Variants in CSMD3 observed in about 807,000 individuals in gnomAD.
CSMD3 encodes CUB and Sushi multiple domains 3.
Under a neutral mutation model 435.2 loss-of-function variants are expected in CSMD3, and 177 were observed. The observed-to-expected ratio is 0.41, with a 90% CI of 0.36 to 0.46. The LOEUF (loss-of-function observed/expected upper bound fraction) is 0.46. Among genes scored for constraint, CSMD3 ranks in the 20% least tolerant of loss-of-function variants. CSMD3 has a pLI of 0.34. For missense variants in CSMD3, 4,265 were observed against 4,504.6 expected (o/e 0.95, Z 1.52); for synonymous variants, 1,656 against 1,520.5 (o/e 1.09, Z -2.07).
intron 11 of CSMD3, among the ~76,000 whole-genome samples, chr8:112,856,701 T>G (rs986572087): frequency 4.6e-5 from 7 of 151,908 alleles, no homozygotes. Context: ...GGTTACTTTT[T>G]CCATCAACCA....
chr8:112,568,046 T>C (rs1196272489), intron 24 of CSMD3, among the ~76,000 whole-genome samples: 1 of 152,160 alleles, frequency 6.6e-6, no homozygotes, highest in African/African-American at 2.4e-5. Flanking sequence ...TTAGCCTGAC[T>C]CAATAAGGGA....
chr8:112,381,539 T>C (rs560600265), intron 37 of CSMD3, among the ~76,000 whole-genome samples: 2 of 152,358 alleles, frequency 1.3e-5, no homozygotes, highest in South Asian at 4.1e-4. Flanking sequence ...AACATTTCTT[T>C]ATAAGTAACT....
chr8:112,826,920 T>C (rs538842222), intron 12 of CSMD3, among the ~76,000 whole-genome samples: 2 of 151,968 alleles, frequency 1.3e-5, no homozygotes, highest in Non-Finnish European at 2.9e-5. Context: ...ACTTATACAA[T>C]GATTTTCTGT....
intron 23 of CSMD3, among the ~76,000 whole-genome samples, chr8:112,585,943 G>A (rs1369627766): frequency 6.6e-6 from 1 of 151,714 alleles, no homozygotes; most frequent in East Asian, 1.9e-4. Context: ...TGAACTAGAG[G>A]TGGGAGAGTT....
At chr8:112,744,772 A>C (rs1026269616) in intron 13 of CSMD3, among the ~76,000 whole-genome samples, 1 of 152,176 alleles carries the variant, frequency 6.6e-6, no homozygotes, top group African/African-American at 2.4e-5. Context: ...GAAATGAGAC[A>C]GCTTTCCAAG....
intron 53 of CSMD3, among the ~76,000 whole-genome samples, chr8:112,296,999 T>A (rs946796863): frequency 4.0e-5 from 6 of 151,476 alleles, no homozygotes; most frequent in Admixed American, 3.9e-4. Flanking sequence ...AGAAAAAAAA[T>A]TCTGTGAAAA....
At chr8:113,331,051 T>C (rs2094023916) in intron 1 of CSMD3, among the ~76,000 whole-genome samples, 1 of 151,474 alleles carries the variant, frequency 6.6e-6, no homozygotes, top group Admixed American at 6.6e-5. Flanking sequence ...GATCAGCAAA[T>C]TGACAAAACT....
intron 4 of CSMD3, among the ~76,000 whole-genome samples, chr8:113,140,789 A>G (rs2091529408): frequency 6.6e-6 from 1 of 151,110 alleles, no homozygotes; most frequent in East Asian, 1.9e-4. Flanking sequence ...AGTACCAAAC[A>G]TATGTTATAA....
intron 4 of CSMD3, among the ~76,000 whole-genome samples, chr8:113,111,135 C>A (rs986653763): frequency 2.0e-5 from 3 of 152,012 alleles, no homozygotes; most frequent in Non-Finnish European, 4.4e-5. Context: ...CAGCATGGGA[C>A]AAGGGAAAAA....
chr8:113,340,446 T>A (rs1042018783), intron 1 of CSMD3, among the ~76,000 whole-genome samples: 3 of 152,176 alleles, frequency 2.0e-5, no homozygotes, highest in Non-Finnish European at 4.4e-5. Flanking sequence ...CATTAATCAT[T>A]ACAGTCTTTC....
intron 11 of CSMD3, among the ~76,000 whole-genome samples, chr8:112,847,696 C>T (rs2080364808): frequency 6.6e-6 from 1 of 152,048 alleles, no homozygotes; most frequent in South Asian, 2.1e-4. Flanking sequence ...GCACAAGTAC[C>T]AAATCTCCAA....
At chr8:112,278,465 C>T (rs1038384496) in intron 59 of CSMD3, among the ~76,000 whole-genome samples, 3 of 152,116 alleles carry the variant, frequency 2.0e-5, no homozygotes, top group African/African-American at 7.2e-5. Context: ...TCAGCTTAGA[C>T]TTATCTGTGT....
intron 2 of CSMD3, among the ~76,000 whole-genome samples, chr8:113,308,225 T>C (rs1209942141): frequency 2.6e-5 from 4 of 151,152 alleles, no homozygotes; most frequent in African/African-American, 7.3e-5. Context: ...TTTTTCTTTT[T>C]AGTTCTATAA....
At position 112,746,691 on chromosome 8, in the gene CSMD3, T is replaced by G. The variant is rs559429972; in HGVS notation, c.1972+53471A>C. Among the ~76,000 whole-genome samples the G allele has an allele frequency of 1.8e-3, 269 of 152,190 alleles. 1 individual carries two copies. Among genetic ancestry groups the G allele is most frequent in the Non-Finnish European group, 2.2e-3 (153 of 68,000 alleles). On this transcript the variant is annotated intron_variant, in intron 13 of 70. Transcript: ENST00000297405. ...TATTATTACATTTGTATATTTTGCA[T>G]TCTACTGCCTTAGGGTCTTTTGTGA...
chr8:112,587,695 C>T (rs1003699618), intron 22 of CSMD3, among the ~76,000 whole-genome samples: 3 of 151,366 alleles, frequency 2.0e-5, no homozygotes, highest in Admixed American at 6.6e-5. Flanking sequence ...CTCAGTATTC[C>T]GCTGACACAA....
At chr8:113,025,740 T>A (rs1205597543) in intron 5 of CSMD3, among the ~76,000 whole-genome samples, 1 of 152,040 alleles carries the variant, frequency 6.6e-6, no homozygotes, top group Admixed American at 6.6e-5. Context: ...AGGTAAGCCA[T>A]CTCTGTGGTG....
In CSMD3 at chr8:112,451,500, G is replaced by T. The variant is rs1390218215; in HGVS notation, c.5395+21091C>A. Reference sequence around the variant, plus strand: ...TCTGATTATATGGTCTTTTAATATTGTTAGTAAACAAAATTAACAATTATA... The same window carrying T: ...TCTGATTATATGGTCTTTTAATATTTTTAGTAAACAAAATTAACAATTATA... On this transcript the variant is annotated intron_variant, in intron 32 of 70. Transcript: ENST00000297405. Among the ~76,000 whole-genome samples the T allele has an allele frequency of 2.0e-5, 3 of 151,144 alleles. No individual in the cohort carries two copies. In the East Asian group the frequency reaches 5.8e-4, roughly 29 times the overall value.
At chr8:112,744,112 G>T (rs531477257) in intron 13 of CSMD3, among the ~76,000 whole-genome samples, 1 of 152,034 alleles carries the variant, frequency 6.6e-6, no homozygotes, top group African/African-American at 2.4e-5. Flanking sequence ...AATTGTCTCA[G>T]ATGTACTTCT....
intron 1 of CSMD3, among the ~76,000 whole-genome samples, chr8:113,348,072 T>C (rs1249541615): frequency 6.6e-6 from 1 of 152,136 alleles, no homozygotes; most frequent in Non-Finnish European, 1.5e-5. Flanking sequence ...CACCTCTTAC[T>C]CTCTAACCAG....
Sources: allele counts gnomAD v4.1 joint callset (sites outside exome capture counted in the v4.1 genomes callset), GRCh38; gene constraint gnomAD v4.1.1; transcripts MANE v1.5; gene names NCBI Gene and HGNC (gene_info 2026-07-23, HGNC 2026-07-21).